Variants in CARMIL1 observed in about 807,000 individuals in gnomAD.
CARMIL1 encodes F-actin-uncapping protein LRRC16A.
In CARMIL1, 90 loss-of-function variants were observed where a neutral mutation model predicts 177.1. That is an observed-to-expected ratio of 0.51 (90% CI 0.43 to 0.61). The LOEUF is 0.61. CARMIL1 is among the 20% of genes least tolerant of loss of function. The probability of loss-of-function intolerance (pLI) is 0.00; values close to 1 mark genes in which losing one functional copy is unlikely to be tolerated. For synonymous variants in CARMIL1, 577 were observed against 606.2 expected (o/e 0.95, Z 0.71); for missense variants, 1,380 against 1,667.0 (o/e 0.83, Z 3.00).
At chr6:25,398,726 C>T (rs1191771282) in intron 2 of CARMIL1, among the ~76,000 whole-genome samples, 2 of 152,066 alleles carry the variant, frequency 1.3e-5, no homozygotes, top group Non-Finnish European at 2.9e-5. Flanking sequence ...ATTATTGCTC[C>T]CCATGCGAAG....
intron 12 of CARMIL1, among the ~76,000 whole-genome samples, chr6:25,487,959 A>C (rs1802825610): frequency 6.6e-6 from 1 of 152,244 alleles, no homozygotes; most frequent in African/African-American, 2.4e-5. Context: ...CATGGTATAC[A>C]GATCATCTCC....
At chr6:25,458,384 G>A (rs900894082) in intron 8 of CARMIL1, among the ~76,000 whole-genome samples, 3 of 151,534 alleles carry the variant, frequency 2.0e-5, no homozygotes, top group Non-Finnish European at 4.4e-5. Flanking sequence ...AGCTCCTTGG[G>A]AGCCTGAGGC....
At chr6:25,599,623 T>A (rs1815193177) in intron 32 of CARMIL1, among the ~76,000 whole-genome samples, 1 of 152,192 alleles carries the variant, frequency 6.6e-6, no homozygotes, top group Non-Finnish European at 1.5e-5. Context: ...GTTTAGCTGC[T>A]TGCCCCTCAA....
At chr6:25,336,913 T>C (rs1201695034) in intron 2 of CARMIL1, among the ~76,000 whole-genome samples, 1 of 152,198 alleles carries the variant, frequency 6.6e-6, no homozygotes, top group African/African-American at 2.4e-5. Flanking sequence ...TTCCTCAGAG[T>C]CACAAGCCGT....
chr6:25,444,118 A>G (rs1397523373), intron 5 of CARMIL1, among the ~76,000 whole-genome samples: 1 of 152,124 alleles, frequency 6.6e-6, no homozygotes, highest in Non-Finnish European at 1.5e-5. Flanking sequence ...ATTTCTTAAA[A>G]TAAGACAACA....
intron 12 of CARMIL1, among the ~76,000 whole-genome samples, chr6:25,483,826 G>C (rs1562199619): frequency 6.6e-6 from 1 of 151,940 alleles, no homozygotes; most frequent in African/African-American, 2.4e-5. Flanking sequence ...GGAGTGCAGT[G>C]GTACGATCTT....
intron 11 of CARMIL1, among the ~76,000 whole-genome samples, chr6:25,474,679 C>A (rs764760447): frequency 1.2e-4 from 18 of 152,210 alleles, no homozygotes; most frequent in Non-Finnish European, 2.5e-4. Context: ...ATAGGAGTTT[C>A]TCTAGGGTAT....
At chr6:25,513,554 CCA>C (rs1293251683) in intron 20 of CARMIL1, among the ~76,000 whole-genome samples, 2 of 152,172 alleles carry the variant, frequency 1.3e-5, no homozygotes, top group Non-Finnish European at 2.9e-5. Context: ...TTGGTACCAA[CCA>C]AATGCATAAT....
chr6:25,316,996 C>T (rs1173493425), intron 2 of CARMIL1, among the ~76,000 whole-genome samples: 2 of 152,120 alleles, frequency 1.3e-5, no homozygotes, highest in African/African-American at 4.8e-5. Context: ...GGAAGTTGAG[C>T]AGAGAGGGAA....
intron 3 of CARMIL1, among the ~76,000 whole-genome samples, chr6:25,424,802 A>G (rs893401213): frequency 3.9e-5 from 6 of 152,114 alleles, no homozygotes; most frequent in African/African-American, 1.4e-4. Context: ...CTGCTGTCAT[A>G]TTACTTTGCA....
intron 4 of CARMIL1, among the ~76,000 whole-genome samples, chr6:25,433,802 A>G (rs745631860): frequency 2.6e-5 from 4 of 152,198 alleles, no homozygotes; most frequent in African/African-American, 9.7e-5. Flanking sequence ...AAACACTTAC[A>G]TTATTTATAT....
intron 2 of CARMIL1, among the ~76,000 whole-genome samples, chr6:25,295,051 T>C (rs936393502): frequency 2.0e-5 from 3 of 152,204 alleles, no homozygotes; most frequent in Non-Finnish European, 4.4e-5. Flanking sequence ...AAAGGTTTTG[T>C]TATTGTTGTT....
chr6:25,368,474 A>G (rs1790066511), intron 2 of CARMIL1, among the ~76,000 whole-genome samples: 1 of 152,204 alleles, frequency 6.6e-6, no homozygotes, highest in Non-Finnish European at 1.5e-5. Flanking sequence ...ACAGACAGCT[A>G]ACACCTCCTG....
chr6:25,592,080 G>C (rs916444131), intron 31 of CARMIL1, among the ~76,000 whole-genome samples: 3 of 152,060 alleles, frequency 2.0e-5, no homozygotes, highest in African/African-American at 7.2e-5. Flanking sequence ...ATGAAAAGAG[G>C]AATCATTGGG....
At chr6:25,604,918 C>T (rs1382856723) in intron 34 of CARMIL1, 25 bp downstream of exon 34, 1 of 1,554,862 alleles carries the variant, frequency 6.4e-7, no homozygotes, top group Non-Finnish European at 8.7e-7. Flanking sequence ...TGCCATCACC[C>T]CCTTAGGAAA....
intron 21 of CARMIL1, among the ~76,000 whole-genome samples, chr6:25,516,271 T>G (rs944240889): frequency 6.7e-6 from 1 of 148,562 alleles, no homozygotes; most frequent in Non-Finnish European, 1.5e-5. Context: ...AAACAAGGGG[T>G]ACAAAAGGTC....
At chr6:25,433,546 T>G (rs1313883089) in intron 4 of CARMIL1, among the ~76,000 whole-genome samples, 1 of 152,228 alleles carries the variant, frequency 6.6e-6, no homozygotes, top group African/African-American at 2.4e-5. Flanking sequence ...ACTGGGTTGT[T>G]TAGCCTCCAG....
At chr6:25,351,830 C>T (rs1788129424) in intron 2 of CARMIL1, among the ~76,000 whole-genome samples, 1 of 151,838 alleles carries the variant, frequency 6.6e-6, no homozygotes, top group Non-Finnish European at 1.5e-5. Context: ...GTAAAGTGCC[C>T]AGTGTTATGA....
chr6:25,289,977 T>A (rs1362218823), intron 2 of CARMIL1, among the ~76,000 whole-genome samples: 3 of 152,242 alleles, frequency 2.0e-5, no homozygotes, highest in Non-Finnish European at 4.4e-5. Context: ...GAATTGCGTG[T>A]TTACTTTTAT....
Sources: gnomAD v4.1 joint callset for allele counts (sites outside exome capture counted in the v4.1 genomes callset) on GRCh38, gnomAD v4.1.1 for gene constraint, MANE v1.5 for transcripts, NCBI Gene and HGNC (gene_info 2026-07-23, HGNC 2026-07-21) for gene names.